PRDX2: variants seen among roughly 807,000 people sequenced by gnomAD.
PRDX2 encodes peroxiredoxin 2.
Under a neutral mutation model 19.8 loss-of-function variants are expected in PRDX2, and 10 were observed. The ratio of observed to expected loss-of-function variants is 0.50; its 90% CI spans 0.31 to 0.86. The LOEUF is 0.86. Ranked by LOEUF, PRDX2 falls within the 40% of genes least tolerant of loss-of-function variation. PRDX2 has a pLI of 0.04. For missense variants in PRDX2, 226 were observed against 260.1 expected (o/e 0.87, Z 0.90); for synonymous variants, 118 against 108.2 (o/e 1.09, Z -0.56).
chr19:12,797,270 C>T (rs1352013549), intron 5 of PRDX2, 104 bp from the exon 6 acceptor site: 1 of 897,300 alleles, frequency 1.1e-6, no homozygotes, highest in African/African-American at 1.7e-5. Flanking sequence ...AGCAAGTGGT[C>T]CAGGCCCAGG....
At position 12,800,300 on chromosome 19, in the gene PRDX2, C is replaced by T. The variant is rs1440009478; in HGVS notation, c.258-1G>A. ...TCCCTCTTTCCGGGGGGTGTTGATC[C>T]TGGGAGTAGGGGAGACAGAGTTGGG... On this transcript the variant is annotated splice_acceptor_variant, in intron 3 of 5. Coordinates refer to ENST00000301522, the MANE Select transcript of PRDX2 (RefSeq NM_005809.6). LOFTEE classifies it high-confidence loss of function. 6.2e-7 allele frequency: 1 copy of T among 1,611,054 alleles called. No homozygotes were observed. The highest frequency in any genetic ancestry group is 8.5e-7 in the Non-Finnish European group (1 of 1,178,778).
In PRDX2 at chr19:12,797,030, C is replaced by G; in HGVS notation, c.*51G>C. On this transcript the variant is annotated 3_prime_UTR_variant, in exon 6 of 6. Transcript: ENST00000301522. ...ACCCAGGTGGGGGCACAGGTGGACA[C>G]CCAGCACAGGCACCTAGGCAGGGGC... The G allele has an allele frequency of 1.3e-6, 2 of 1,595,520 alleles. No homozygotes were observed. The highest frequency in any genetic ancestry group is 4.5e-5 in the East Asian group (2 of 44,780).
In PRDX2 at chr19:12,800,248, C is replaced by T; in HGVS notation, c.309G>A (p.Leu103=). The T allele has an allele frequency of 6.2e-7, 1 of 1,613,792 alleles. No individual in the cohort carries two copies. Among genetic ancestry groups the T allele is most frequent in the South Asian group, 1.1e-5 (1 of 91,084 alleles). ...ACAAGCGTCTGGTCACGTCAGCAAG[C>T]AGGGGGATGTTCAGGGGGCCCAAGC... is the stretch of plus-strand genomic sequence containing the variant. The part of the protein sequence containing the change: ...EGGLGPLNIP[L]LADVTRRLSE... Residue 103 remains leucine (L), a synonymous_variant, in exon 4 of 6, where the codon CTG becomes CTA. Coordinates refer to ENST00000301522, the MANE Select transcript of PRDX2 (RefSeq NM_005809.6).
chr19:12,797,121 T>C lies in PRDX2; in HGVS notation c.557A>G (p.Asn186Ser), dbSNP rs757993137. Residue 186 changes from asparagine to serine, a missense_variant, in exon 6 of 6, where the codon AAC (asparagine) becomes AGC (serine). Coordinates refer to ENST00000301522, the MANE Select transcript of PRDX2 (RefSeq NM_005809.6). ...GAAATATTCCTTGCTGTCATCCACGTTGGGCTTAATCGTGTCACTGCCAGG... is the reference window on the plus strand; with the variant it reads ...GAAATATTCCTTGCTGTCATCCACGCTGGGCTTAATCGTGTCACTGCCAGG... ...WKPGSDTIKP[N>S]VDDSKEYFSK... The C allele has an allele frequency of 1.2e-6, 2 of 1,614,090 alleles. No homozygotes were observed. The highest frequency in any genetic ancestry group is 1.3e-5 in the African/African-American group (1 of 74,940).
In PRDX2 at chr19:12,797,075, G is replaced by A; in HGVS notation, c.*6C>T. ...AGGGGCACAAGCTCACTATCCGTTA[G>A]CCAGCCTAATTGTGTTTGGAGAAAT... On this transcript the variant is annotated 3_prime_UTR_variant, in exon 6 of 6. Coordinates refer to ENST00000301522, the MANE Select transcript of PRDX2 (RefSeq NM_005809.6). 6.2e-7 allele frequency: 1 copy of A among 1,613,732 alleles called. No individual in the cohort carries two copies. The highest frequency in any genetic ancestry group is 8.5e-7 in the Non-Finnish European group (1 of 1,179,906).
intron 3 of PRDX2, 122 bp from the exon 4 acceptor site, chr19:12,800,421 G>C (rs1599527955): frequency 1.5e-6 from 2 of 1,328,900 alleles, no homozygotes; most frequent in African/African-American, 1.5e-5. Flanking sequence ...GTAGGCCGCT[G>C]GGAGCCTCAC....
In PRDX2 at chr19:12,796,858, C is replaced by T. The variant is rs1218041568; in HGVS notation, c.*223G>A. The T allele has an allele frequency of 7.1e-6, 4 of 565,844 alleles. No homozygotes were observed. Among genetic ancestry groups the T allele is most frequent in the Admixed American group, 3.0e-5 (1 of 33,288 alleles). 35.1% of individuals were successfully genotyped at this position (565,844 alleles called of 1,614,324 possible). ...TAATACTTTATTGGTTACCTCTAGG[C>T]CTGTGTGCGGCTGGGTGGGCTTGGG... On this transcript the variant is annotated 3_prime_UTR_variant, in exon 6 of 6. Transcript: ENST00000301522.
rs184964391 is a variant in PRDX2, at chr19:12,798,246, C to T, written c.512-1080G>A. On this transcript the variant is annotated intron_variant, in intron 5 of 5. Coordinates refer to ENST00000301522, the MANE Select transcript of PRDX2 (RefSeq NM_005809.6). ...ATTTTTAGTAGAGACAGGGTTTCAC[C>T]GCGTTAGCTAGGATGGTCTCGATCT... 7.9e-5 allele frequency among the ~76,000 whole-genome samples: 12 copies of T among 152,104 alleles called. No homozygotes were observed. In the South Asian group the frequency reaches 8.3e-4, roughly 11 times the overall value.
rs1334160612 is a variant in PRDX2, at chr19:12,800,986, C to T, written c.187G>A (p.Glu63Lys). 2 of 1,612,330 alleles carry T rather than the reference C, an allele frequency of 1.2e-6. No individual in the cohort carries two copies. The highest frequency in any genetic ancestry group is 1.3e-5 in the African/African-American group (1 of 74,838). Reference protein sequence around the residue: ...TEIIAFSNRAEDFRKLGCEVL... With the variant: ...TEIIAFSNRAKDFRKLGCEVL... ...TCACAGCCCAGCTTGCGGAAGTCCT[C>T]TGCACGGTTGCTGAACGCGATGATC... Residue 63 changes from glutamate to lysine, a missense_variant, in exon 3 of 6, where the codon GAG (glutamate) becomes AAG (lysine). Physicochemically the swap from Glu to Lys is moderately conservative, Grantham distance 56. Transcript: ENST00000301522.
At chr19:12,798,941 G>A (rs1220294287) in intron 5 of PRDX2, among the ~76,000 whole-genome samples, 8 of 151,854 alleles carry the variant, frequency 5.3e-5, no homozygotes, top group Admixed American at 4.6e-4. Flanking sequence ...TCACACTGGC[G>A]CCCAGGCTGG....
chr19:12,800,375 G>T, intron 3 of PRDX2, 76 bp from the exon 4 acceptor site: 1 of 1,538,054 alleles, frequency 6.5e-7, no homozygotes, highest in South Asian at 1.2e-5. Context: ...GGCCCAATGT[G>T]ATAAGCACTG....
intron 3 of PRDX2, chr19:12,800,590 G>C: frequency 9.8e-7 from 1 of 1,021,590 alleles, no homozygotes; most frequent in South Asian, 1.7e-5. Context: ...TCCTCTAGCT[G>C]TGTCATGGGG....
chr19:12,800,565 TAA>T (rs1303067235), intron 3 of PRDX2: 2 of 882,596 alleles, frequency 2.3e-6, no homozygotes, highest in African/African-American at 3.4e-5. Flanking sequence ...GAGCCTGTGT[TAA>T]GAGTCCCCAT....
intron 5 of PRDX2, among the ~76,000 whole-genome samples, chr19:12,797,505 G>T (rs1310340025): frequency 6.6e-6 from 1 of 151,668 alleles, no homozygotes; most frequent in African/African-American, 2.4e-5. Flanking sequence ...ATTTTTGGTA[G>T]AGACCATGTT....
Position 12,801,247 on chromosome 19 carries a change from G to A in PRDX2, c.15C>T (p.Asn5=), listed in dbSNP as rs200438050. MASG[N]ARIGKPAPDF... ...CAGGGGCTGGCTTTCCGATGCGCGC[G>A]TTACCGGAGGCCATGACTGAAAGCT... The change falls in exon 2 of 6, where the codon AAC becomes AAT. Residue 5 remains asparagine, a synonymous_variant. Coordinates refer to ENST00000301522, the MANE Select transcript of PRDX2 (RefSeq NM_005809.6). 46 of 1,613,030 alleles carry A rather than the reference G, an allele frequency of 2.9e-5. 1 individual carries two copies. In the East Asian group the frequency reaches 6.2e-4, roughly 22 times the overall value.
intron 5 of PRDX2, among the ~76,000 whole-genome samples, chr19:12,799,017 G>GC (rs1361531523): frequency 6.6e-6 from 1 of 151,138 alleles, no homozygotes; most frequent in East Asian, 1.9e-4. Flanking sequence ...TCCTGCCTCA[G>GC]CCTCCCAAGT....
Position 12,800,952 on chromosome 19 carries a change from C to A in PRDX2, c.221G>T (p.Gly74Val). Reference sequence around the variant, plus strand: ...GGTGAACTGAGAGTCCACCGAGACGCCCAGCACTTCACAGCCCAGCTTGCG... The same window carrying A: ...GGTGAACTGAGAGTCCACCGAGACGACCAGCACTTCACAGCCCAGCTTGCG... The part of the protein sequence containing the change: ...DFRKLGCEVL[G>V]VSVDSQFTHL... Residue 74 changes from glycine (G) to valine (V), a missense_variant, in exon 3 of 6, where the codon GGC (glycine) becomes GTC (valine). Physicochemically the swap from Gly to Val is moderately radical, Grantham distance 109. Coordinates refer to ENST00000301522, the MANE Select transcript of PRDX2 (RefSeq NM_005809.6). The A allele has an allele frequency of 6.2e-7, 1 of 1,611,540 alleles. No homozygotes were observed. The highest frequency in any genetic ancestry group is 8.5e-7 in the Non-Finnish European group (1 of 1,179,818).
At chr19:12,800,837 C>A in intron 3 of PRDX2, 79 bp downstream of exon 3, 1 of 1,554,364 alleles carries the variant, frequency 6.4e-7, no homozygotes, top group Non-Finnish European at 8.7e-7. Context: ...AGAGGTTGAG[C>A]AATGGCCACG....
Position 12,800,171 on chromosome 19 carries a change from C to T in PRDX2, c.380+6G>A. The stretch of plus-strand genomic sequence containing the variant: ...TCCCTGAGCCGGGCTGAGGGTCCCA[C>T]AGTACCTGTAGGCAATGCCCTCATC... On this transcript the variant is annotated splice_donor_region_variant and intron_variant, in intron 4 of 5. Coordinates refer to ENST00000301522, the MANE Select transcript of PRDX2 (RefSeq NM_005809.6). The T allele has an allele frequency of 6.2e-7, 1 of 1,613,380 alleles. No individual in the cohort carries two copies. Among genetic ancestry groups the T allele is most frequent in the Non-Finnish European group, 8.5e-7 (1 of 1,179,628 alleles).
Sources: allele counts gnomAD v4.1 joint callset (sites outside exome capture counted in the v4.1 genomes callset), GRCh38; gene constraint gnomAD v4.1.1; transcripts MANE v1.5; gene names NCBI Gene and HGNC (gene_info 2026-07-23, HGNC 2026-07-21).